The following RIN2 variants were observed in gnomAD, a reference collection of about 807,000 sequenced individuals.
The protein encoded by RIN2 is RAB5 interacting protein 2.
A neutral mutation model predicts 78.0 loss-of-function variants in RIN2; 36 were observed. The ratio of observed to expected loss-of-function variants is 0.46; its 90% CI spans 0.35 to 0.61. RIN2 has a LOEUF of 0.61. RIN2 is among the 20% of genes least tolerant of loss of function. RIN2 has a pLI of 0.00. For missense variants in RIN2, 1,087 were observed against 1,159.7 expected, an observed-to-expected ratio of 0.94 and a Z score of 0.91; for synonymous variants, 466 against 466.8, an observed-to-expected ratio of 1.00 and a Z score of 0.02.
intron 3 of RIN2, among the ~76,000 whole-genome samples, chr20:19,894,793 T>C (rs1047904984): frequency 1.3e-5 from 2 of 152,178 alleles, no homozygotes; most frequent in African/African-American, 4.8e-5. Flanking sequence ...TCTTCCATTG[T>C]GGGCATTATA....
intron 2 of RIN2, among the ~76,000 whole-genome samples, chr20:19,871,370 C>T (rs1259777340): frequency 6.6e-6 from 1 of 152,152 alleles, no homozygotes; most frequent in African/African-American, 2.4e-5. Flanking sequence ...GAGTTTGAGA[C>T]CACCCTGAGC....
chr20:19,776,801 G>A (rs1432561349), intron 1 of RIN2, among the ~76,000 whole-genome samples: 3 of 151,650 alleles, frequency 2.0e-5, no homozygotes, highest in South Asian at 2.1e-4. Flanking sequence ...CTTCCCTTCC[G>A]ATTTTCCTGC....
intron 9 of RIN2, among the ~76,000 whole-genome samples, chr20:19,983,291 C>G (rs1200751736): frequency 6.6e-6 from 1 of 152,190 alleles, no homozygotes; most frequent in Non-Finnish European, 1.5e-5. Context: ...TGTGCCATCT[C>G]CTGACTTGTC....
chr20:19,956,805 G>A lies in RIN2; in HGVS notation c.349G>A (p.Gly117Arg). The change falls in exon 5 of 13, where the codon GGG (glycine) becomes AGG (arginine). Residue 117 changes from glycine to arginine, a missense_variant and splice_region_variant. By Grantham distance (125) the Gly-to-Arg change is moderately radical. Around this residue, in one of 8 missense-constraint regions of RIN2, gnomAD observed 706 missense variants for 667.5 expected, o/e 1.06. Coordinates refer to ENST00000255006, the MANE Select transcript of RIN2 (RefSeq NM_018993.4). ...AGAGGTCCTGCAGGCCCAGCCTCCG[G>A]GGGTAAGACTCAGAACCTCGGGAAG... The part of the protein sequence containing the change: ...AAEVLQAQPP[G>R]IFLVHKSTKM... The A allele has an allele frequency of 1.3e-6, 2 of 1,570,732 alleles. No individual in the cohort carries two copies. Among genetic ancestry groups the A allele is most frequent in the South Asian group, 2.3e-5 (2 of 86,112 alleles).
chr20:19,882,696 T>C (rs1391117055), intron 2 of RIN2, among the ~76,000 whole-genome samples: 1 of 152,182 alleles, frequency 6.6e-6, no homozygotes, highest in Non-Finnish European at 1.5e-5. Context: ...TGACCACTGA[T>C]CACATGGAGC....
intron 2 of RIN2, among the ~76,000 whole-genome samples, chr20:19,844,482 G>A (rs192037168): frequency 3.7e-4 from 57 of 152,218 alleles, no homozygotes; most frequent in Admixed American, 2.3e-3. Context: ...ACTACTGCAG[G>A]GGACACAAGC....
intron 3 of RIN2, among the ~76,000 whole-genome samples, chr20:19,890,772 GAC>G (rs1165915706): frequency 1.3e-5 from 2 of 149,676 alleles, no homozygotes; most frequent in East Asian, 4.0e-4. Context: ...ACATCACCAG[GAC>G]ACAGTCTTAT....
chr20:19,868,757 T>C (rs2037587789), intron 2 of RIN2, among the ~76,000 whole-genome samples: 1 of 152,136 alleles, frequency 6.6e-6, no homozygotes, highest in South Asian at 2.1e-4. Context: ...AGCACAGAGA[T>C]GATCTCTGAC....
intron 1 of RIN2, among the ~76,000 whole-genome samples, chr20:19,797,134 G>A (rs527797169): frequency 3.3e-5 from 5 of 152,126 alleles, no homozygotes; most frequent in Non-Finnish European, 5.9e-5. Context: ...TCAGCATAAC[G>A]CAGGGCACTG....
intron 1 of RIN2, among the ~76,000 whole-genome samples, chr20:19,768,772 A>G (rs2033995739): frequency 6.6e-6 from 1 of 152,088 alleles, no homozygotes; most frequent in African/African-American, 2.4e-5. Context: ...ATGCTGGCCC[A>G]CCAGAAACCG....
chr20:19,845,902 G>A (rs1392717941), intron 2 of RIN2, among the ~76,000 whole-genome samples: 1 of 152,158 alleles, frequency 6.6e-6, no homozygotes, highest in Non-Finnish European at 1.5e-5. Context: ...GTTAATTTCT[G>A]TATAAGGTTT....
intron 3 of RIN2, among the ~76,000 whole-genome samples, chr20:19,925,098 A>G (rs1212780613): frequency 5.2e-4 from 9 of 17,152 alleles, no homozygotes; most frequent in African/African-American, 9.9e-4. Context: ...AAATTTGTGG[A>G]AAAAAAAAAA....
At chr20:19,970,761 T>C (rs2042077704) in intron 7 of RIN2, 77 bp from the exon 8 acceptor site, 1 of 1,153,954 alleles carries the variant, frequency 8.7e-7, no homozygotes, top group Non-Finnish European at 1.3e-6. Context: ...AGCTAAAACA[T>C]CTCTATGATG....
Position 20,000,921 on chromosome 20 carries a change from C to A in RIN2, c.2673C>A (p.Asp891Glu), listed in dbSNP as rs759973625. 57 of 1,610,314 alleles carry A rather than the reference C, an allele frequency of 3.5e-5. No homozygotes were observed. The highest frequency in any genetic ancestry group is 3.2e-4 in the Admixed American group (19 of 59,922). ...YGIIFQNGEE[D>E]LTTS ...TCATTTTCCAGAACGGGGAAGAAGA[C>A]CTCACCACCTCCTAGAAGACAGGCG... Residue 891 changes from aspartate (D) to glutamate (E), a missense_variant, in exon 13 of 13, where the codon GAC becomes GAA. This residue lies in a region of RIN2 where 160 missense variants were observed against 179.4 expected (regional missense o/e 0.89). Transcript: ENST00000255006.
At chr20:19,941,789 C>A (rs1201760775) in intron 4 of RIN2, among the ~76,000 whole-genome samples, 2 of 152,132 alleles carry the variant, frequency 1.3e-5, no homozygotes, top group East Asian at 1.9e-4. Context: ...GCTACACTAT[C>A]ACCAATGTAG....
chr20:19,774,609 C>A (rs1421411892), intron 1 of RIN2, among the ~76,000 whole-genome samples: 1 of 152,194 alleles, frequency 6.6e-6, no homozygotes, highest in African/African-American at 2.4e-5. Flanking sequence ...GGAGTGGGAT[C>A]CATGCATTTG....
chr20:19,787,444 A>AG (rs2034718272), intron 1 of RIN2, among the ~76,000 whole-genome samples: 4 of 150,906 alleles, frequency 2.7e-5, no homozygotes, highest in African/African-American at 9.7e-5. Context: ...AAAAAAAAAA[A>AG]AAGAGAGAGA....
intron 3 of RIN2, among the ~76,000 whole-genome samples, chr20:19,921,409 C>T (rs1450148935): frequency 6.6e-6 from 1 of 152,164 alleles, no homozygotes; most frequent in African/African-American, 2.4e-5. Context: ...AGCTCCGCCT[C>T]CTCTCTGTCC....
chr20:19,832,472 G>A lies in RIN2; in HGVS notation c.-37+32725G>A, dbSNP rs140535451. On this transcript the variant is annotated intron_variant, in intron 2 of 12. Transcript: ENST00000255006. ...GTAAAAAAGACTCACCCTCAAGCAC[G>A]CCTTTCAAAGGCAAACCAACCACTC... Among the ~76,000 whole-genome samples the A allele has an allele frequency of 3.6e-4, 55 of 150,902 alleles. 1 individual carries two copies. Among genetic ancestry groups the A allele is most frequent in the African/African-American group, 6.3e-4 (26 of 41,018 alleles).
Sources: gnomAD v4.1 joint callset for allele counts (sites outside exome capture counted in the v4.1 genomes callset) on GRCh38, gnomAD v4.1.1 for gene constraint, gnomAD v4.1.1 regional missense constraint, MANE v1.5 for transcripts, NCBI Gene and HGNC (gene_info 2026-07-23, HGNC 2026-07-21) for gene names.